GABRA3: variants seen among roughly 807,000 people sequenced by gnomAD.
GABRA3 encodes gamma-aminobutyric acid receptor subunit alpha-3.
In GABRA3, 10 loss-of-function variants were observed where a neutral mutation model predicts 30.1. That is an observed-to-expected ratio of 0.33 (90% CI 0.20 to 0.56). GABRA3 has a LOEUF of 0.56. Among genes scored for constraint, GABRA3 ranks in the 20% least tolerant of loss-of-function variants. GABRA3 has a pLI of 0.89. For missense variants in GABRA3, 233 were observed against 392.0 expected (o/e 0.59, Z 3.42); for synonymous variants, 151 against 146.8 (o/e 1.03, Z -0.21).
At chrX:152,261,902 A>T (rs1938736652) in intron 4 of GABRA3, among the ~76,000 whole-genome samples, 1 of 112,346 alleles carries the variant, frequency 8.9e-6, no homozygotes, top group Admixed American at 9.4e-5. Context: ...GTTATACATG[A>T]GTGTTCTGCC....
At chrX:152,416,554 C>T (rs974849775) in intron 1 of GABRA3, among the ~76,000 whole-genome samples, 22 of 110,065 alleles carry the variant, frequency 2.0e-4, no homozygotes, top group African/African-American at 5.9e-4. Flanking sequence ...AAAAAGAGCC[C>T]GCATCGCCAA....
intron 6 of GABRA3, among the ~76,000 whole-genome samples, chrX:152,224,562 A>G (rs1040799929): frequency 1.8e-5 from 2 of 111,968 alleles, no homozygotes; most frequent in African/African-American, 6.5e-5. Flanking sequence ...CTTCTTAGAA[A>G]GAAAATTCTT....
intron 5 of GABRA3, among the ~76,000 whole-genome samples, chrX:152,237,553 G>A (rs1938251166): frequency 9.6e-6 from 1 of 103,934 alleles, no homozygotes; most frequent in East Asian, 3.1e-4. Context: ...GTAGCTTGAT[G>A]GGGATGGCAT....
chrX:152,234,771 G>A (rs145634456), intron 5 of GABRA3, among the ~76,000 whole-genome samples: 1,613 of 111,362 alleles, frequency 0.014, 14 homozygotes, highest in Middle Eastern at 0.046. Flanking sequence ...CTCAAAGATC[G>A]ATTGGCTGTA....
At chrX:152,176,610 C>T (rs1053501907) in intron 9 of GABRA3, among the ~76,000 whole-genome samples, 5 of 111,327 alleles carry the variant, frequency 4.5e-5, no homozygotes, top group Non-Finnish European at 9.4e-5. Context: ...ACATTATTGG[C>T]TGTGCTGGGA....
intron 3 of GABRA3, among the ~76,000 whole-genome samples, chrX:152,315,636 A>G (rs1448145867): frequency 1.8e-5 from 2 of 111,079 alleles, no homozygotes; most frequent in East Asian, 5.8e-4. Context: ...CTGTCTGGAA[A>G]CAAACTCGGT....
chrX:152,346,390 C>A (rs1344034281), intron 2 of GABRA3, among the ~76,000 whole-genome samples: 1 of 111,591 alleles, frequency 9.0e-6, no homozygotes, highest in Non-Finnish European at 1.9e-5. Flanking sequence ...AAGACTACTA[C>A]AAGAAAACTT....
At chrX:152,372,176 T>A (rs931228758) in intron 1 of GABRA3, among the ~76,000 whole-genome samples, 70 of 110,059 alleles carry the variant, frequency 6.4e-4, no homozygotes, top group African/African-American at 1.9e-3. Flanking sequence ...GAAAAAAAAA[T>A]ATATATAAGT....
chrX:152,367,055 G>A (rs1398987416), intron 1 of GABRA3, among the ~76,000 whole-genome samples: 1 of 110,940 alleles, frequency 9.0e-6, no homozygotes, highest in Non-Finnish European at 1.9e-5. Flanking sequence ...CAAATATAAC[G>A]CACATATCCA....
intron 1 of GABRA3, among the ~76,000 whole-genome samples, chrX:152,420,618 A>G (rs150898465): frequency 1.5e-3 from 164 of 111,488 alleles, no homozygotes; most frequent in African/African-American, 4.6e-3. Context: ...ATTTTGTGCA[A>G]TTGCAAAACA....
At chrX:152,383,351 C>T (rs191265214) in intron 1 of GABRA3, among the ~76,000 whole-genome samples, 23 of 94,551 alleles carry the variant, frequency 2.4e-4, no homozygotes, top group African/African-American at 8.8e-4. Flanking sequence ...ATCACGCCAC[C>T]GCACTCCAGC....
intron 2 of GABRA3, among the ~76,000 whole-genome samples, chrX:152,355,312 C>T (rs1045530021): frequency 1.8e-5 from 2 of 111,632 alleles, no homozygotes; most frequent in African/African-American, 6.5e-5. Context: ...TTCTCCACCC[C>T]GTTCTCCTTT....
At chrX:152,200,329 G>C (rs950752433) in intron 7 of GABRA3, among the ~76,000 whole-genome samples, 5 of 111,766 alleles carry the variant, frequency 4.5e-5, no homozygotes, top group Admixed American at 9.5e-5. Context: ...CCTAAACCTA[G>C]GAAGCACCAT....
intron 1 of GABRA3, among the ~76,000 whole-genome samples, chrX:152,413,012 C>T (rs751474543): frequency 1.5e-4 from 17 of 110,853 alleles, no homozygotes; most frequent in African/African-American, 5.6e-4. Flanking sequence ...CCAAGAAGTG[C>T]AACGAACTTC....
chrX:152,270,978 T>TTGA (rs1258157164), intron 4 of GABRA3, among the ~76,000 whole-genome samples: 1 of 108,483 alleles, frequency 9.2e-6, no homozygotes, highest in Non-Finnish European at 1.9e-5. Context: ...TTTTTTTTTT[T>TTGA]GAGAGAAAGC....
In GABRA3 at chrX:152,342,192, C is replaced by T. The variant is rs190381415; in HGVS notation, c.262+3389G>A. 2.7e-3 allele frequency among the ~76,000 whole-genome samples: 300 copies of T among 112,664 alleles called. 1 individual carries two copies. Among genetic ancestry groups the T allele is most frequent in the African/African-American group, 9.0e-3 (279 of 31,053 alleles). ...GGCCCTATTGACTTTTTAATAATGGCCATTCTTGCAGGAGGAATGTAGTAT... is the reference window on the plus strand; with the variant it reads ...GGCCCTATTGACTTTTTAATAATGGTCATTCTTGCAGGAGGAATGTAGTAT... On this transcript the variant is annotated intron_variant, in intron 3 of 9. Transcript: ENST00000370314.
chrX:152,190,007 A>C lies in GABRA3; in HGVS notation c.932-66T>G, dbSNP rs55633401. The C allele has an allele frequency of 5.3e-3, 4,151 of 789,124 alleles. 6 individuals are homozygous for C. Among genetic ancestry groups the C allele is most frequent in the Non-Finnish European group, 6.4e-3 (3,494 of 544,751 alleles). 65.0% of individuals were successfully genotyped at this position (789,124 alleles called of 1,213,427 possible). On this transcript the variant is annotated intron_variant, in intron 8 of 9. Transcript: ENST00000370314. ...CATTGAGAGCTTATTCGATGAAATC[A>C]CTAATTTCCTATTTGAAAGGAGAAG...
chrX:152,257,975 C>A (rs775191364), intron 4 of GABRA3, among the ~76,000 whole-genome samples: 8 of 111,707 alleles, frequency 7.2e-5, no homozygotes, highest in African/African-American at 2.3e-4. Flanking sequence ...CTTGCCAAAG[C>A]AAACACACAA....
chrX:152,182,550 A>G (rs1937173640), intron 9 of GABRA3, among the ~76,000 whole-genome samples: 1 of 79,683 alleles, frequency 1.3e-5, no homozygotes, highest in South Asian at 6.1e-4. Context: ...TAGTGTATAT[A>G]TACACTATAT....
Sources: gnomAD v4.1 joint callset for allele counts (sites outside exome capture counted in the v4.1 genomes callset) on GRCh38, gnomAD v4.1.1 for gene constraint, MANE v1.5 for transcripts, NCBI Gene and HGNC (gene_info 2026-07-23, HGNC 2026-07-21) for gene names.